The following RPTOR variants were observed in gnomAD, a reference collection of about 807,000 sequenced individuals.
RPTOR encodes regulatory-associated protein of mTOR.
In RPTOR, 21 loss-of-function variants were observed where a neutral mutation model predicts 169.9. The observed-to-expected ratio is 0.12, with a 90% confidence interval of 0.09 to 0.18. The LOEUF (loss-of-function observed/expected upper bound fraction) is 0.18. Ranked by LOEUF, RPTOR falls within the 10% of genes least tolerant of loss-of-function variation. The pLI is 1.00. For missense variants in RPTOR, 1,133 were observed against 1,855.9 expected, an observed-to-expected ratio of 0.61 and a Z score of 7.16; for synonymous variants, 732 against 753.2, an observed-to-expected ratio of 0.97 and a Z score of 0.46.
intron 12 of RPTOR, 107 bp from the exon 13 acceptor site, chr17:80,857,683 C>A (rs2067869026): frequency 1.4e-6 from 1 of 691,188 alleles, no homozygotes; most frequent in Non-Finnish European, 2.6e-6. Flanking sequence ...TGTTGCGTTT[C>A]CCATATGTGC....
intron 28 of RPTOR, among the ~76,000 whole-genome samples, chr17:80,953,625 C>G (rs1447006779): frequency 6.6e-6 from 1 of 152,232 alleles, no homozygotes; most frequent in Non-Finnish European, 1.5e-5. Flanking sequence ...GAACCCTGGG[C>G]GGTGTCCTCC....
At chr17:80,856,836 G>A (rs919757468) in intron 12 of RPTOR, among the ~76,000 whole-genome samples, 2 of 152,134 alleles carry the variant, frequency 1.3e-5, no homozygotes, top group East Asian at 1.9e-4. Context: ...TCTGCTCATT[G>A]GAAATTTGCC....
intron 5 of RPTOR, among the ~76,000 whole-genome samples, chr17:80,734,697 G>A (rs2066420403): frequency 6.6e-6 from 1 of 152,116 alleles, no homozygotes; most frequent in Admixed American, 6.5e-5. Context: ...GAGGAAATGG[G>A]GAAGGGGCAG....
At chr17:80,766,073 T>A (rs2066784007) in intron 6 of RPTOR, among the ~76,000 whole-genome samples, 1 of 152,208 alleles carries the variant, frequency 6.6e-6, no homozygotes, top group Non-Finnish European at 1.5e-5. Flanking sequence ...AAATTTTTTT[T>A]AAGACGTGAT....
intron 9 of RPTOR, among the ~76,000 whole-genome samples, chr17:80,834,693 T>C (rs892555073): frequency 6.6e-6 from 1 of 152,214 alleles, no homozygotes; most frequent in Non-Finnish European, 1.5e-5. Flanking sequence ...CTGTCCGGTG[T>C]GCTGAGCGAT....
At chr17:80,592,091 T>C (rs2065112022) in intron 1 of RPTOR, among the ~76,000 whole-genome samples, 1 of 152,238 alleles carries the variant, frequency 6.6e-6, no homozygotes, top group African/African-American at 2.4e-5. Context: ...CAGTGCAGCT[T>C]TGCTTTTTCC....
At position 80,689,167 on chromosome 17, in the gene RPTOR, A is replaced by G. The variant is rs560436810; in HGVS notation, c.349-18674A>G. On this transcript the variant is annotated intron_variant, in intron 3 of 33. Transcript: ENST00000306801. ...ATTCTTAAAGTGACAGGACTACCTT[A>G]TGAAGTCAGTAAATCCTTTCATCTC... is the stretch of plus-strand genomic sequence containing the variant. Among the ~76,000 whole-genome samples the G allele has an allele frequency of 9.3e-4, 142 of 152,364 alleles. 1 individual carries two copies. The highest frequency in any genetic ancestry group is 3.4e-3 in the African/African-American group (140 of 41,578).
At chr17:80,853,655 G>GA (rs977588549) in intron 11 of RPTOR, among the ~76,000 whole-genome samples, 1 of 152,136 alleles carries the variant, frequency 6.6e-6, no homozygotes, top group Non-Finnish European at 1.5e-5. Context: ...CACCATTAAG[G>GA]AAAAAATCAA....
intron 1 of RPTOR, among the ~76,000 whole-genome samples, chr17:80,550,408 G>C (rs2084330211): frequency 6.6e-6 from 1 of 152,140 alleles, no homozygotes. Context: ...CTAAATGCAG[G>C]GGCACCCCAG....
intron 1 of RPTOR, among the ~76,000 whole-genome samples, chr17:80,550,326 G>A (rs2084329273): frequency 6.6e-6 from 1 of 152,120 alleles, no homozygotes; most frequent in African/African-American, 2.4e-5. Flanking sequence ...TTGCTTCTGT[G>A]TCTCCACGAA....
intron 1 of RPTOR, among the ~76,000 whole-genome samples, chr17:80,597,714 A>G (rs1010245757): frequency 7.4e-6 from 1 of 135,788 alleles, no homozygotes; most frequent in Non-Finnish European, 1.5e-5. Flanking sequence ...AGGTCTCACT[A>G]TGTTGCCCAA....
At chr17:80,700,934 A>G (rs111597294) in intron 3 of RPTOR, among the ~76,000 whole-genome samples, 27 of 151,976 alleles carry the variant, frequency 1.8e-4, no homozygotes, top group African/African-American at 6.3e-4. Flanking sequence ...CTCAGTCAGG[A>G]TTGAAGAGGT....
At chr17:80,855,040 C>A (rs927428572) in intron 11 of RPTOR, among the ~76,000 whole-genome samples, 6 of 152,100 alleles carry the variant, frequency 3.9e-5, no homozygotes, top group African/African-American at 1.4e-4. Flanking sequence ...TCAGTACATA[C>A]CTACTGATAT....
chr17:80,686,019 A>G (rs185868121), intron 3 of RPTOR, among the ~76,000 whole-genome samples: 294 of 152,092 alleles, frequency 1.9e-3, no homozygotes, highest in Middle Eastern at 0.014. Context: ...GAAGGGATTC[A>G]GGCCTCCGAC....
rs1455920533 is a variant in RPTOR at position 80,966,141 on chromosome 17, C to T, written c.*1811C>T. The T allele has an allele frequency of 4.4e-6, 1 of 225,652 alleles. No individual in the cohort carries two copies. Among genetic ancestry groups the T allele is most frequent in the Non-Finnish European group, 8.7e-6 (1 of 114,376 alleles). The allele number at this position is 225,652 out of a possible 1,614,324, so 14.0% of individuals were successfully genotyped here. ...GACCCCCCCCCGCCCCCGCTCCACC[C>T]TGGAGCCCACCCCCATGGGCACCGC... On this transcript the variant is annotated 3_prime_UTR_variant, in exon 34 of 34. Coordinates refer to ENST00000306801, the MANE Select transcript of RPTOR (RefSeq NM_020761.3).
intron 7 of RPTOR, among the ~76,000 whole-genome samples, chr17:80,794,776 AG>A (rs761099415): frequency 1.3e-5 from 2 of 152,236 alleles, no homozygotes; most frequent in Non-Finnish European, 2.9e-5. Flanking sequence ...GGTTCCCAGA[AG>A]TATCACACTA....
At chr17:80,634,251 T>TGTGC (rs1567830336) in intron 2 of RPTOR, among the ~76,000 whole-genome samples, 3 of 131,990 alleles carry the variant, frequency 2.3e-5, no homozygotes, top group African/African-American at 1.1e-4. Flanking sequence ...GTGCATACTG[T>TGTGC]ATGCGTGCAT....
chr17:80,745,019 T>C lies in RPTOR; in HGVS notation c.655-8991T>C, dbSNP rs563133350. Among the ~76,000 whole-genome samples, 40 of 152,332 alleles carry C rather than the reference T, an allele frequency of 2.6e-4. No homozygotes were observed. The South Asian group carries it at 7.5e-3, about 28-fold the overall frequency. On this transcript the variant is annotated intron_variant, in intron 5 of 33. Transcript: ENST00000306801. ...TGGTTACTAGCACAGTCCTGGCTAC[T>C]AGACACCTCTGCTAGAGACTGCCCA...
In RPTOR at chr17:80,774,057, T is replaced by C. The variant is rs569474090; in HGVS notation, c.831-17393T>C. On this transcript the variant is annotated intron_variant, in intron 6 of 33. Transcript: ENST00000306801. ...CACTCCCTGTTTTTCTATTTCTTCG[T>C]TGAAAGAAGCACTGATCATTGTGTT... The C allele has an allele frequency of 1.8e-5, 18 of 985,422 alleles. No individual in the cohort carries two copies. In the African/African-American group the frequency reaches 3.1e-4, roughly 17 times the overall value. The allele number at this position is 985,422 out of a possible 1,614,324, so 61.0% of individuals were successfully genotyped here. A position where few individuals can be genotyped will look rare whatever the true frequency, so the allele number is the denominator to read the frequency against.
Sources: gnomAD v4.1 joint callset for allele counts (sites outside exome capture counted in the v4.1 genomes callset) on GRCh38, gnomAD v4.1.1 for gene constraint, MANE v1.5 for transcripts, NCBI Gene and HGNC (gene_info 2026-07-23, HGNC 2026-07-21) for gene names.